FMNL2: variants seen among roughly 807,000 people sequenced by gnomAD.
FMNL2 encodes formin like 2, also known as formin-like protein 2.
In FMNL2, 51 loss-of-function variants were observed where a neutral mutation model predicts 130.2. The observed-to-expected ratio is 0.39, with a 90% CI of 0.31 to 0.49. FMNL2 has a LOEUF of 0.49. Among genes scored for constraint, FMNL2 ranks in the 20% least tolerant of loss-of-function variants. The pLI is 0.85. For missense variants in FMNL2, 977 were observed against 1,316.2 expected, an observed-to-expected ratio of 0.74 and a Z score of 3.99; for synonymous variants, 465 against 467.1, an observed-to-expected ratio of 1.00 and a Z score of 0.06.
intron 6 of FMNL2, among the ~76,000 whole-genome samples, chr2:152,566,479 G>T: frequency 1.3e-5 from 2 of 152,164 alleles, no homozygotes; most frequent in Non-Finnish European, 2.9e-5. Flanking sequence ...GGGTCGAACA[G>T]TAAGTGAAGG....
intron 15 of FMNL2, chr2:152,620,855 T>C (rs1326483190): frequency 3.4e-6 from 3 of 878,862 alleles, no homozygotes; most frequent in South Asian, 5.2e-5. Context: ...CCGACTTCTA[T>C]ATAAAACTGT....
At chr2:152,647,219 T>C (rs1683665980) in intron 25 of FMNL2, among the ~76,000 whole-genome samples, 2 of 152,202 alleles carry the variant, frequency 1.3e-5, no homozygotes, top group African/African-American at 2.4e-5. Flanking sequence ...TGCCAGGGAA[T>C]AGATTATTAT....
intron 1 of FMNL2, among the ~76,000 whole-genome samples, chr2:152,491,949 T>TCAACAA (rs544476584): frequency 2.0e-5 from 3 of 151,940 alleles, no homozygotes; most frequent in African/African-American, 4.8e-5. Context: ...AGACTTCATC[T>TCAACAA]CAACAACAAC....
At chr2:152,399,510 G>A (rs186202046) in intron 1 of FMNL2, among the ~76,000 whole-genome samples, 25 of 152,324 alleles carry the variant, frequency 1.6e-4, no homozygotes, top group African/African-American at 6.0e-4. Context: ...GAGATGGGGT[G>A]TTGGACCCAT....
intron 1 of FMNL2, among the ~76,000 whole-genome samples, chr2:152,403,271 A>G (rs1383098014): frequency 6.6e-6 from 1 of 151,944 alleles, no homozygotes; most frequent in Non-Finnish European, 1.5e-5. Flanking sequence ...GCAAAAACCC[A>G]AACAGCTCTG....
chr2:152,390,120 C>T (rs1685020680), intron 1 of FMNL2: 11 of 1,355,818 alleles, frequency 8.1e-6, no homozygotes, highest in African/African-American at 2.9e-5. Context: ...AAAACTGAAG[C>T]CCAACCTAGG....
intron 11 of FMNL2, among the ~76,000 whole-genome samples, chr2:152,613,305 G>A (rs1698783928): frequency 6.6e-6 from 1 of 152,190 alleles, no homozygotes; most frequent in Non-Finnish European, 1.5e-5. Flanking sequence ...TCCTAGCGGT[G>A]TTTTGGGTTT....
chr2:152,402,586 A>T (rs1394102599), intron 1 of FMNL2, among the ~76,000 whole-genome samples: 1 of 152,200 alleles, frequency 6.6e-6, no homozygotes, highest in East Asian at 1.9e-4. Context: ...GCAAGGACAG[A>T]TAGTTGCTGC....
intron 1 of FMNL2, among the ~76,000 whole-genome samples, chr2:152,467,109 C>A (rs1437251330): frequency 2.0e-5 from 3 of 152,174 alleles, no homozygotes; most frequent in African/African-American, 4.8e-5. Flanking sequence ...CACTGCCTTA[C>A]CTTAACTCTT....
chr2:152,613,980 T>C (rs758991463), intron 11 of FMNL2, among the ~76,000 whole-genome samples: 1 of 152,180 alleles, frequency 6.6e-6, no homozygotes, highest in South Asian at 2.1e-4. Flanking sequence ...AGCCCTGAGC[T>C]GTTCATGCTG....
intron 1 of FMNL2, among the ~76,000 whole-genome samples, chr2:152,500,654 C>T (rs1691771277): frequency 6.6e-6 from 1 of 152,184 alleles, no homozygotes; most frequent in Non-Finnish European, 1.5e-5. Context: ...TCTAGACCAG[C>T]CTGGCCAACA....
chr2:152,548,056 T>C (rs1299025114), intron 3 of FMNL2, among the ~76,000 whole-genome samples: 1 of 151,946 alleles, frequency 6.6e-6, no homozygotes, highest in African/African-American at 2.4e-5. Context: ...GTGGATTCAG[T>C]GAAGAAAGAA....
intron 1 of FMNL2, among the ~76,000 whole-genome samples, chr2:152,434,634 C>A (rs1028141512): frequency 4.0e-5 from 6 of 151,882 alleles, no homozygotes; most frequent in African/African-American, 1.2e-4. Context: ...GCAGAAGGGC[C>A]CCTGCAGAAC....
chr2:152,444,449 G>A (rs1688231070), intron 1 of FMNL2, among the ~76,000 whole-genome samples: 1 of 152,194 alleles, frequency 6.6e-6, no homozygotes, highest in Non-Finnish European at 1.5e-5. Flanking sequence ...GTGCCACATA[G>A]CCTTAATTTC....
At chr2:152,401,476 C>G (rs1685688512) in intron 1 of FMNL2, among the ~76,000 whole-genome samples, 1 of 152,176 alleles carries the variant, frequency 6.6e-6, no homozygotes, top group African/African-American at 2.4e-5. Context: ...TCCCACCTGT[C>G]ATTTATGCTT....
At chr2:152,521,815 A>G in intron 1 of FMNL2, 128 bp from the exon 2 acceptor site, 3 of 727,940 alleles carry the variant, frequency 4.1e-6, no homozygotes, top group Non-Finnish European at 7.1e-6. Flanking sequence ...TGGTTTAATC[A>G]GATACTAGGA....
chr2:152,500,068 C>T (rs111511189), intron 1 of FMNL2, among the ~76,000 whole-genome samples: 8 of 152,112 alleles, frequency 5.3e-5, no homozygotes, highest in Middle Eastern at 3.4e-3. Flanking sequence ...AGAGCTCACC[C>T]GCAGATGTTA....
At chr2:152,367,364 T>C (rs964785988) in intron 1 of FMNL2, among the ~76,000 whole-genome samples, 1 of 152,036 alleles carries the variant, frequency 6.6e-6, no homozygotes, top group Non-Finnish European at 1.5e-5. Context: ...GCATTGACAG[T>C]GTTAATCTTT....
At chr2:152,441,834 C>CA (rs35741575) in intron 1 of FMNL2, among the ~76,000 whole-genome samples, 60,873 of 146,496 alleles carry the variant, frequency 0.42, 13,444 homozygotes, top group East Asian at 0.69. Context: ...CACTCCGTCT[C>CA]AAAAAAAAAA....
Sources: gnomAD v4.1 joint callset for allele counts (sites outside exome capture counted in the v4.1 genomes callset) on GRCh38, gnomAD v4.1.1 for gene constraint, MANE v1.5 for transcripts, NCBI Gene and HGNC (gene_info 2026-07-23, HGNC 2026-07-21) for gene names.